Variants in SGCZ observed in about 807,000 individuals in gnomAD.
SGCZ encodes zeta-sarcoglycan.
A neutral mutation model predicts 41.3 loss-of-function variants in SGCZ; 40 were observed. The ratio of observed to expected loss-of-function variants is 0.97; its 90% CI spans 0.75 to 1.26. The LOEUF (loss-of-function observed/expected upper bound fraction) is 1.26, where lower values mean the gene tolerates loss of function less well. Ranked by LOEUF, SGCZ falls within the 50% of genes most tolerant of loss-of-function variation. SGCZ has a pLI of 0.00. For synonymous variants in SGCZ, 206 were observed against 137.5 expected (o/e 1.50, Z -3.49); for missense variants, 552 against 369.8 (o/e 1.49, Z -4.04).
At chr8:14,496,035 T>G (rs536140985) in intron 2 of SGCZ, among the ~76,000 whole-genome samples, 3 of 152,030 alleles carry the variant, frequency 2.0e-5, no homozygotes, top group African/African-American at 7.2e-5. Context: ...GGGCTGGAAA[T>G]TGGAAAGATC....
At chr8:14,558,369 G>A (rs1263668576) in intron 1 of SGCZ, among the ~76,000 whole-genome samples, 1 of 152,074 alleles carries the variant, frequency 6.6e-6, no homozygotes, top group Non-Finnish European at 1.5e-5. Flanking sequence ...GAGGTCAGGA[G>A]TTTAAGACCA....
At chr8:14,736,459 A>G (rs1799033339) in intron 1 of SGCZ, among the ~76,000 whole-genome samples, 1 of 152,148 alleles carries the variant, frequency 6.6e-6, no homozygotes, top group Non-Finnish European at 1.5e-5. Context: ...ATCAAAATAA[A>G]TGGATAAATG....
chr8:15,193,429 A>C (rs1202576833), intron 1 of SGCZ, among the ~76,000 whole-genome samples: 1 of 152,036 alleles, frequency 6.6e-6, no homozygotes, highest in Non-Finnish European at 1.5e-5. Context: ...TCTATGTGTT[A>C]ATCACTGTTT....
At chr8:14,230,517 T>A (rs998131732) in intron 4 of SGCZ, among the ~76,000 whole-genome samples, 5 of 152,104 alleles carry the variant, frequency 3.3e-5, no homozygotes, top group Admixed American at 6.6e-5. Context: ...AGTTGACAGA[T>A]CTGGGATTTA....
chr8:15,104,547 G>C (rs940534136), intron 1 of SGCZ, among the ~76,000 whole-genome samples: 2 of 152,178 alleles, frequency 1.3e-5, no homozygotes, highest in African/African-American at 4.8e-5. Context: ...GGCACTTCCA[G>C]TCATCAGAAA....
At chr8:15,209,148 C>G (rs1163501441) in intron 1 of SGCZ, among the ~76,000 whole-genome samples, 1 of 151,998 alleles carries the variant, frequency 6.6e-6, no homozygotes, top group Non-Finnish European at 1.5e-5. Flanking sequence ...GATTAAATGA[C>G]TTCTAAAGCA....
At chr8:15,065,409 TATTGTA>T (rs1161673905) in intron 1 of SGCZ, among the ~76,000 whole-genome samples, 105 of 136,270 alleles carry the variant, frequency 7.7e-4, no homozygotes, top group South Asian at 2.0e-3. Context: ...TATCACATGG[TATTGTA>T]ATTATTATTA....
chr8:15,108,784 C>T (rs1022339982), intron 1 of SGCZ, among the ~76,000 whole-genome samples: 1 of 152,078 alleles, frequency 6.6e-6, no homozygotes, highest in East Asian at 1.9e-4. Flanking sequence ...AACATGAATA[C>T]GTCTATGCTG....
At chr8:15,081,744 A>G (rs1169618951) in intron 1 of SGCZ, among the ~76,000 whole-genome samples, 1 of 152,170 alleles carries the variant, frequency 6.6e-6, no homozygotes, top group African/African-American at 2.4e-5. Context: ...AATTTCCTTA[A>G]GAGGAGCTTA....
intron 1 of SGCZ, among the ~76,000 whole-genome samples, chr8:15,237,252 G>GCCCCCC (rs57656728): frequency 3.0e-4 from 45 of 149,988 alleles, no homozygotes; most frequent in African/African-American, 1.1e-3. Context: ...TGGTGCCGCT[G>GCCCCCC]CCCCCCCCGG....
chr8:14,698,089 G>A (rs959594298), intron 1 of SGCZ, among the ~76,000 whole-genome samples: 6 of 151,928 alleles, frequency 3.9e-5, no homozygotes, highest in Admixed American at 2.0e-4. Context: ...GGATCCCTTC[G>A]TATTTAATAA....
At chr8:14,612,172 T>C (rs1805950999) in intron 1 of SGCZ, among the ~76,000 whole-genome samples, 1 of 152,220 alleles carries the variant, frequency 6.6e-6, no homozygotes, top group Admixed American at 6.5e-5. Context: ...GGTTTGGCTC[T>C]GTGTCCCCAC....
intron 1 of SGCZ, among the ~76,000 whole-genome samples, chr8:15,018,302 T>C (rs540479248): frequency 8.5e-5 from 13 of 152,178 alleles, no homozygotes; most frequent in Non-Finnish European, 1.5e-4. Flanking sequence ...AGACAGCTTA[T>C]TTTTAGGTGG....
chr8:15,077,651 A>G (rs898760738), intron 1 of SGCZ, among the ~76,000 whole-genome samples: 19 of 152,170 alleles, frequency 1.2e-4, no homozygotes, highest in Non-Finnish European at 2.1e-4. Context: ...TTTAACATGT[A>G]TTTCAGAGAT....
chr8:14,295,867 G>A, intron 3 of SGCZ, among the ~76,000 whole-genome samples: 2 of 152,152 alleles, frequency 1.3e-5, no homozygotes, highest in East Asian at 3.9e-4. Context: ...ACTGCACAGA[G>A]AAAGAGCCTC....
chr8:14,180,765 G>T (rs950897467), intron 4 of SGCZ, among the ~76,000 whole-genome samples: 1 of 152,094 alleles, frequency 6.6e-6, no homozygotes, highest in South Asian at 2.1e-4. Flanking sequence ...TCCAAGCCAT[G>T]CTCCTGAAGC....
At chr8:15,184,088 C>T (rs532016468) in intron 1 of SGCZ, among the ~76,000 whole-genome samples, 15 of 152,276 alleles carry the variant, frequency 9.9e-5, no homozygotes, top group South Asian at 2.1e-4. Flanking sequence ...TTCAACAGCA[C>T]ATTCCAATTA....
intron 4 of SGCZ, among the ~76,000 whole-genome samples, chr8:14,231,583 C>G (rs1331970650): frequency 6.6e-6 from 1 of 151,856 alleles, no homozygotes; most frequent in Admixed American, 6.6e-5. Context: ...TGAGTTGGAC[C>G]AATAAACATG....
chr8:14,982,072 C>A (rs1243932767), intron 1 of SGCZ, among the ~76,000 whole-genome samples: 2 of 151,616 alleles, frequency 1.3e-5, no homozygotes, highest in Non-Finnish European at 2.9e-5. Context: ...ATCGCTTGAA[C>A]CCAGGAGGCG....
Sources: allele counts gnomAD v4.1 joint callset (sites outside exome capture counted in the v4.1 genomes callset), GRCh38; gene constraint gnomAD v4.1.1; transcripts MANE v1.5; gene names NCBI Gene and HGNC (gene_info 2026-07-23, HGNC 2026-07-21).